Variants in USP30 observed in about 807,000 individuals in gnomAD.
USP30 encodes ubiquitin carboxyl-terminal hydrolase 30.
In USP30, 41 loss-of-function variants were observed where a neutral mutation model predicts 68.2. The ratio of observed to expected loss-of-function variants is 0.60; its 90% CI spans 0.47 to 0.78. USP30 has a LOEUF of 0.78. Ranked by LOEUF, USP30 falls within the 30% of genes least tolerant of loss-of-function variation. The probability of loss-of-function intolerance (pLI) is 0.00; values close to 1 mark genes in which losing one functional copy is unlikely to be tolerated. For missense variants in USP30, 522 were observed against 649.4 expected (o/e 0.80, Z 2.13); for synonymous variants, 229 against 253.7 (o/e 0.90, Z 0.93).
upstream of USP30, among the ~76,000 whole-genome samples, chr12:109,049,364 AG>A (rs1435008854): frequency 1.3e-5 from 2 of 152,140 alleles, no homozygotes; most frequent in African/African-American, 4.8e-5. Flanking sequence ...AGTGAGAGAG[AG>A]GGGGGAACAG....
At chr12:109,039,908 C>T (rs1007425103) in intron 3 of USP30, among the ~76,000 whole-genome samples, 8 of 152,168 alleles carry the variant, frequency 5.3e-5, no homozygotes, top group African/African-American at 1.9e-4. Context: ...CACACCTGGC[C>T]AGCCATTTTC....
intron 1 of USP30, among the ~76,000 whole-genome samples, chr12:109,053,459 G>C (rs998745062): frequency 6.6e-6 from 1 of 151,930 alleles, no homozygotes; most frequent in Admixed American, 6.6e-5. Context: ...ATCCTGTCAG[G>C]GCCCCCATTT....
intron 3 of USP30, among the ~76,000 whole-genome samples, chr12:109,030,830 G>T (rs1049873475): frequency 1.3e-5 from 2 of 152,126 alleles, no homozygotes; most frequent in Non-Finnish European, 2.9e-5. Context: ...TGGCCAGGCT[G>T]GTCTTGAACT....
intron 3 of USP30, among the ~76,000 whole-genome samples, chr12:109,029,986 C>T (rs2040469569): frequency 6.6e-6 from 1 of 152,216 alleles, no homozygotes; most frequent in Admixed American, 6.5e-5. Flanking sequence ...CATTCTTAAA[C>T]AAGCAAATAG....
chr12:109,073,400 G>A (rs1174099696), intron 6 of USP30, 38 bp from the exon 7 acceptor site: 1 of 1,452,372 alleles, frequency 6.9e-7, no homozygotes, highest in South Asian at 1.1e-5. Flanking sequence ...GTGCCAAAGG[G>A]CTAAAAGTGA....
chr12:109,076,410 C>T (rs2041607709), intron 7 of USP30, among the ~76,000 whole-genome samples: 1 of 135,656 alleles, frequency 7.4e-6, no homozygotes, highest in Non-Finnish European at 1.6e-5. Context: ...ATCTTTATTC[C>T]TTTTTTTTTT....
chr12:109,075,410 G>A (rs1484991395), intron 7 of USP30, among the ~76,000 whole-genome samples: 1 of 152,000 alleles, frequency 6.6e-6, no homozygotes, highest in African/African-American at 2.4e-5. Flanking sequence ...GAGTGCAGTG[G>A]TGCCATCTTG....
Position 109,052,631 on chromosome 12 carries a change from C to T in USP30, c.-48C>T. On this transcript the variant is annotated 5_prime_UTR_variant, in exon 1 of 13. Coordinates refer to ENST00000257548, the MANE Select transcript of USP30 (RefSeq NM_032663.5). ...GTCGTATCCCTCGGTCCGGCGGCGG[C>T]GGCGGCGGTAGCGGAGGAGACGGTT... The T allele has an allele frequency of 6.9e-7, 1 of 1,449,064 alleles. No homozygotes were observed. The allele number at this position is 1,449,064 out of a possible 1,614,324, so 89.8% of individuals were successfully genotyped here.
chr12:109,054,009 G>A (rs2040758966), intron 1 of USP30: 1 of 455,890 alleles, frequency 2.2e-6, no homozygotes, highest in African/African-American at 2.0e-5. Context: ...AGTGATAGTA[G>A]AACCTGCATC....
chr12:109,058,003 G>C lies in USP30; in HGVS notation c.271G>C (p.Ala91Pro). 6.2e-7 allele frequency: 1 copy of C among 1,614,110 alleles called. No individual in the cohort carries two copies. The change falls in exon 3 of 13, where the codon GCT (alanine) becomes CCT (proline). Residue 91 changes from alanine (A) to proline (P), a missense_variant. Physicochemically the swap from Ala to Pro is conservative, Grantham distance 27. Transcript: ENST00000257548. ...SLLQGLSACP[A>P]FIRWLEEFTS... The stretch of plus-strand genomic sequence containing the variant: ...GCTACAAGGCCTGTCTGCCTGTCCT[G>C]CTTTCATCAGGTGGCTGGAAGAGTT...
chr12:109,068,289 T>A (rs1198527274), intron 4 of USP30, among the ~76,000 whole-genome samples: 2 of 152,178 alleles, frequency 1.3e-5, no homozygotes, highest in African/African-American at 4.8e-5. Context: ...CAAGATGGCC[T>A]TGTCCAGCTT....
intron 2 of USP30, among the ~76,000 whole-genome samples, chr12:109,026,367 ACCTGG>A (rs2040445354): frequency 6.6e-6 from 1 of 151,266 alleles, no homozygotes; most frequent in Non-Finnish European, 1.5e-5. Context: ...GAGCCACCAG[ACCTGG>A]CCTAAAAATA....
At chr12:109,044,382 G>A (rs957087572) in intron 3 of USP30, among the ~76,000 whole-genome samples, 1 of 152,134 alleles carries the variant, frequency 6.6e-6, no homozygotes, top group Non-Finnish European at 1.5e-5. Context: ...TCACGCCTGC[G>A]ATCTGAGCAG....
chr12:109,060,670 T>C (rs2041034685), intron 3 of USP30, among the ~76,000 whole-genome samples: 1 of 152,228 alleles, frequency 6.6e-6, no homozygotes, highest in African/African-American at 2.4e-5. Flanking sequence ...TTTCCTTTTT[T>C]TTTGAGATGA....
Position 109,085,687 on chromosome 12 carries a change from G to A in USP30, c.1310G>A (p.Arg437Gln), listed in dbSNP as rs766920869. The stretch of plus-strand genomic sequence containing the variant: ...TTCAGCTCCTCCACATACCTCTTCC[G>A]GCTGATGGCAGTTGTCGTCCACCAT... ...PDYSSSTYLFRLMAVVVHHGD... is the reference protein window; with the variant it reads ...PDYSSSTYLFQLMAVVVHHGD... Residue 437 changes from arginine to glutamine, a missense_variant, in exon 13 of 13, where the codon CGG (arginine) becomes CAG (glutamine). Physicochemically the swap from Arg to Gln is conservative, Grantham distance 43. Coordinates refer to ENST00000257548, the MANE Select transcript of USP30 (RefSeq NM_032663.5). 7 of 1,614,064 alleles carry A rather than the reference G, an allele frequency of 4.3e-6. No homozygotes were observed. The highest frequency in any genetic ancestry group is 2.2e-5 in the East Asian group (1 of 44,884).
rs546702752 is a variant in USP30, at chr12:109,054,184, C to T, written c.83+1423C>T. The T allele has an allele frequency of 4.0e-5, 16 of 399,748 alleles. 1 individual carries two copies. Among genetic ancestry groups the T allele is most frequent in the East Asian group, 2.2e-4 (3 of 13,638 alleles). 24.8% of individuals were successfully genotyped at this position (399,748 alleles called of 1,614,324 possible). ...CTTTCCAGGCACTTTTGTGAACTCA[C>T]GTATCGTGTAAAAGCACAGTGATGT... On this transcript the variant is annotated intron_variant, in intron 1 of 12. Coordinates refer to ENST00000257548, the MANE Select transcript of USP30 (RefSeq NM_032663.5).
chr12:109,033,432 A>G (rs1206143431), intron 3 of USP30, among the ~76,000 whole-genome samples: 1 of 152,182 alleles, frequency 6.6e-6, no homozygotes, highest in Admixed American at 6.5e-5. Context: ...GAGTCACAGC[A>G]GGTTGTTTTA....
At chr12:109,071,580 A>T in intron 4 of USP30, 32 bp from the exon 5 acceptor site, 1 of 1,599,356 alleles carries the variant, frequency 6.3e-7, no homozygotes, top group Non-Finnish European at 8.6e-7. Flanking sequence ...GCCTCTTCCA[A>T]CCTCTCTAAA....
Position 109,083,038 on chromosome 12 carries a change from G to A in USP30, c.1144G>A (p.Asp382Asn), listed in dbSNP as rs778213821. 50 of 1,611,880 alleles carry A rather than the reference G, an allele frequency of 3.1e-5. No homozygotes were observed. Among genetic ancestry groups the A allele is most frequent in the Non-Finnish European group, 3.9e-5 (46 of 1,178,778 alleles). Reference protein sequence around the residue: ...KNPGPTLELQDGPGAPTPVLN... With the variant: ...KNPGPTLELQNGPGAPTPVLN... Reference sequence around the variant, plus strand: ...CCCAGGGCCTACACTGGAGCTGCAGGATGGGCCGGGAGCCCCCACACCAGG... The same window carrying A: ...CCCAGGGCCTACACTGGAGCTGCAGAATGGGCCGGGAGCCCCCACACCAGG... Residue 382 changes from aspartate (D) to asparagine (N), a missense_variant, in exon 11 of 13, where the codon GAT (aspartate) becomes AAT (asparagine). Asp to Asn is a conservative substitution (Grantham distance 23, BLOSUM62 1). Coordinates refer to ENST00000257548, the MANE Select transcript of USP30 (RefSeq NM_032663.5).
Sources: allele counts gnomAD v4.1 joint callset (sites outside exome capture counted in the v4.1 genomes callset), GRCh38; gene constraint gnomAD v4.1.1; transcripts MANE v1.5; gene names NCBI Gene and HGNC (gene_info 2026-07-23, HGNC 2026-07-21).